The following HACE1 variants were observed in gnomAD, a reference collection of about 807,000 sequenced individuals.
HACE1 encodes the protein E3 ubiquitin-protein ligase HACE1.
In HACE1, 73 loss-of-function variants were observed where a neutral mutation model predicts 118.4. The ratio of observed to expected loss-of-function variants is 0.62; its 90% confidence interval spans 0.51 to 0.75. HACE1 has a LOEUF of 0.75. Among genes scored for constraint, HACE1 ranks in the 30% least tolerant of loss-of-function variants. The pLI is 0.00. For missense variants in HACE1, 749 were observed against 1,102.2 expected, an observed-to-expected ratio of 0.68 and a Z score of 4.54; for synonymous variants, 368 against 374.8, an observed-to-expected ratio of 0.98 and a Z score of 0.21.
At chr6:104,824,171 T>C (rs1344553281) in intron 6 of HACE1, among the ~76,000 whole-genome samples, 1 of 152,226 alleles carries the variant, frequency 6.6e-6, no homozygotes, top group African/African-American at 2.4e-5. Flanking sequence ...TACTCCTTAA[T>C]TGGACATACA....
chr6:104,857,150 T>C (rs1042410339), intron 1 of HACE1, among the ~76,000 whole-genome samples: 3 of 148,626 alleles, frequency 2.0e-5, no homozygotes, highest in Non-Finnish European at 3.0e-5. Context: ...GAATGTTATA[T>C]ATATATTTAC....
chr6:104,744,785 T>G (rs1777224321), intron 20 of HACE1, among the ~76,000 whole-genome samples, 175 bp from the exon 21 acceptor site: 1 of 152,206 alleles, frequency 6.6e-6, no homozygotes, highest in Non-Finnish European at 1.5e-5. Context: ...TCCTTGACGC[T>G]GATAATCTCA....
intron 5 of HACE1, among the ~76,000 whole-genome samples, chr6:104,837,241 AC>A (rs1774634532): frequency 6.6e-6 from 1 of 152,256 alleles, no homozygotes; most frequent in African/African-American, 2.4e-5. Context: ...ATTAAGACTT[AC>A]AGCTACAGTA....
At chr6:104,791,421 G>C in intron 11 of HACE1, 83 bp downstream of exon 11, 1 of 1,250,544 alleles carries the variant, frequency 8.0e-7, no homozygotes, top group Non-Finnish European at 1.2e-6. Context: ...CTGTTCATGA[G>C]CTTTCTGATT....
chr6:104,780,874 T>C (rs183174743), intron 14 of HACE1, among the ~76,000 whole-genome samples: 1 of 152,300 alleles, frequency 6.6e-6, no homozygotes, highest in East Asian at 1.9e-4. Context: ...TTTCATAACC[T>C]TGATAGTTTT....
At chr6:104,835,921 A>G (rs1388510080) in intron 5 of HACE1, among the ~76,000 whole-genome samples, 1 of 152,220 alleles carries the variant, frequency 6.6e-6, no homozygotes, top group Non-Finnish European at 1.5e-5. Flanking sequence ...AATGCTTTCA[A>G]AATTCTAAGG....
At chr6:104,800,075 C>T (rs761171758) in intron 7 of HACE1, among the ~76,000 whole-genome samples, 3 of 151,140 alleles carry the variant, frequency 2.0e-5, no homozygotes, top group African/African-American at 7.3e-5. Context: ...CCTGGCTCAG[C>T]GGGTCCCATG....
chr6:104,850,192 TA>T (rs1382320799), intron 3 of HACE1, among the ~76,000 whole-genome samples: 2 of 151,490 alleles, frequency 1.3e-5, no homozygotes, highest in African/African-American at 2.4e-5. Context: ...TCAAGTGATC[TA>T]CCCACCTCAG....
intron 7 of HACE1, among the ~76,000 whole-genome samples, chr6:104,804,593 A>G (rs1443526491): frequency 6.6e-6 from 1 of 152,176 alleles, no homozygotes; most frequent in African/African-American, 2.4e-5. Flanking sequence ...CAAACCTGAC[A>G]ACAAGAAATA....
At chr6:104,733,580 C>T (rs541146779) in intron 22 of HACE1, among the ~76,000 whole-genome samples, 4 of 152,216 alleles carry the variant, frequency 2.6e-5, no homozygotes, top group South Asian at 4.1e-4. Flanking sequence ...TGGCCAGGCG[C>T]GGTGGCTCAC....
At chr6:104,767,898 T>C (rs1376337770) in intron 19 of HACE1, among the ~76,000 whole-genome samples, 1 of 152,014 alleles carries the variant, frequency 6.6e-6, no homozygotes, top group Non-Finnish European at 1.5e-5. Context: ...CTTACTCTTA[T>C]CTTCTTTTTT....
intron 5 of HACE1, among the ~76,000 whole-genome samples, chr6:104,839,115 G>C (rs1387511661): frequency 6.6e-6 from 1 of 152,104 alleles, no homozygotes; most frequent in Non-Finnish European, 1.5e-5. Context: ...TGCTGGCAAG[G>C]ATGTCAAGAA....
chr6:104,854,578 T>C (rs1005057882), intron 1 of HACE1, among the ~76,000 whole-genome samples: 1 of 151,608 alleles, frequency 6.6e-6, no homozygotes, highest in African/African-American at 2.4e-5. Flanking sequence ...ATACGTAATA[T>C]GTAGTCCTTA....
At position 104,728,121 on chromosome 6, in the gene HACE1, C is replaced by G. The variant is rs895028604; in HGVS notation, c.*1541G>C. The G allele has an allele frequency of 6.6e-6, 1 of 152,004 alleles. No homozygotes were observed. Among genetic ancestry groups the G allele is most frequent in the Non-Finnish European group, 1.5e-5 (1 of 67,992 alleles). 9.4% of individuals were successfully genotyped at this position (152,004 alleles called of 1,614,324 possible). On this transcript the variant is annotated 3_prime_UTR_variant, in exon 24 of 24. Coordinates refer to ENST00000262903, the MANE Select transcript of HACE1 (RefSeq NM_020771.4). ...AGTTATTTAATATTTTATTATCTAT[C>G]TCTTTTACATAACTACTTGCAAAAA...
At chr6:104,856,567 T>C (rs1776738654) in intron 1 of HACE1, among the ~76,000 whole-genome samples, 1 of 152,030 alleles carries the variant, frequency 6.6e-6, no homozygotes, top group African/African-American at 2.4e-5. Flanking sequence ...CCCAAGTAGC[T>C]GGGATTACAG....
chr6:104,818,242 C>T (rs1474999649), intron 6 of HACE1, among the ~76,000 whole-genome samples: 2 of 152,196 alleles, frequency 1.3e-5, no homozygotes, highest in South Asian at 2.1e-4. Context: ...ACAAGTATTT[C>T]AGTCACTATT....
chr6:104,840,823 C>T (rs1055413517), intron 5 of HACE1, among the ~76,000 whole-genome samples: 13 of 152,120 alleles, frequency 8.5e-5, no homozygotes, highest in Admixed American at 5.2e-4. Flanking sequence ...ATTAGCTGGG[C>T]GTGGTGGCAC....
rs766127881 is a variant in HACE1, at chr6:104,859,656, TCCGCGATCCTCCGCGATCAGCCGCCCCAC to T, written c.-43_-15del. 9.6e-5 allele frequency: 146 copies of T among 1,526,114 alleles called. No individual in the cohort carries two copies. Among genetic ancestry groups the T allele is most frequent in the Non-Finnish European group, 1.2e-4 (138 of 1,139,726 alleles). 94.5% of individuals were successfully genotyped at this position (1,526,114 alleles called of 1,614,324 possible). On this transcript the variant is annotated 5_prime_UTR_variant, in exon 1 of 24. Coordinates refer to ENST00000262903, the MANE Select transcript of HACE1 (RefSeq NM_020771.4). ...CGCTCTCTCCATCCTCGGCGCGCCCTCCGCGATCCTCCGCGATCAGCCGCCCCACCGGCGGCCTCCGCGCCCAGAGCCCT... is the reference window on the plus strand; with the variant it reads ...CGCTCTCTCCATCCTCGGCGCGCCCTCGGCGGCCTCCGCGCCCAGAGCCCT...
intron 19 of HACE1, among the ~76,000 whole-genome samples, chr6:104,757,920 T>C (rs1434397429): frequency 2.0e-5 from 3 of 151,964 alleles, no homozygotes; most frequent in Non-Finnish European, 2.9e-5. Flanking sequence ...CAATAGCCGA[T>C]TCGATCAAGT....
Sources: allele counts gnomAD v4.1 joint callset (sites outside exome capture counted in the v4.1 genomes callset), GRCh38; gene constraint gnomAD v4.1.1; transcripts MANE v1.5; gene names NCBI Gene and HGNC (gene_info 2026-07-23, HGNC 2026-07-21).